Variants in KCNQ1 observed in about 807,000 individuals in gnomAD.
KCNQ1 encodes the protein potassium voltage-gated channel subfamily KQT member 1.
In KCNQ1, 49 loss-of-function variants were observed where a neutral mutation model predicts 72.4. The observed-to-expected ratio is 0.68, with a 90% CI of 0.54 to 0.86. KCNQ1 has a LOEUF of 0.86. Ranked by LOEUF, KCNQ1 falls within the 40% of genes least tolerant of loss-of-function variation. The probability of loss-of-function intolerance (pLI) is 0.00; values close to 1 mark genes in which losing one functional copy is unlikely to be tolerated. For synonymous variants in KCNQ1, 450 were observed against 412.6 expected (o/e 1.09, Z -1.10); for missense variants, 790 against 945.1 (o/e 0.84, Z 2.15).
Position 2,627,938 on chromosome 11 carries a change from G to T in KCNQ1, c.1394-34023G>T, listed in dbSNP as rs1168224945. 2.5e-6 allele frequency: 1 copy of T among 398,472 alleles called. No homozygotes were observed. The highest frequency in any genetic ancestry group is 4.4e-6 in the Non-Finnish European group (1 of 226,056). The allele number at this position is 398,472 out of a possible 1,614,324, so 24.7% of individuals were successfully genotyped here. The stretch of plus-strand genomic sequence containing the variant: ...GCTAATTTTTAAAATTTTATGTAGA[G>T]ATAGGGTATCACTATGTTTCCTAGG... On this transcript the variant is annotated intron_variant, in intron 10 of 15. Transcript: ENST00000155840. This position sits in a 1 kb window ranked among gnomAD's most constrained non-coding sequence, Gnocchi z 4.9.
At position 2,621,508 on chromosome 11, in the gene KCNQ1, T is replaced by G. The variant is rs1037533061; in HGVS notation, c.1393+32654T>G. 5 of 398,496 alleles carry G rather than the reference T, an allele frequency of 1.3e-5. No homozygotes were observed. Among genetic ancestry groups the G allele is most frequent in the African/African-American group, 4.1e-5 (2 of 48,648 alleles). The allele number at this position is 398,496 out of a possible 1,614,324, so 24.7% of individuals were successfully genotyped here. The stretch of plus-strand genomic sequence containing the variant: ...CCCATTCTATATGTTGTCTGTTTAC[T>G]CTGTTGATAATTTCTTTTGCTATGC... On this transcript the variant is annotated intron_variant, in intron 10 of 15. Transcript: ENST00000155840. This position sits in a 1 kb window ranked among gnomAD's most constrained non-coding sequence, Gnocchi z 5.7.
chr11:2,581,468 G>A (rs1412105065), intron 6 of KCNQ1, among the ~76,000 whole-genome samples: 1 of 152,218 alleles, frequency 6.6e-6, no homozygotes, highest in East Asian at 1.9e-4. Flanking sequence ...CTCTGGGGAG[G>A]ACACCCTGCA....
Position 2,620,211 on chromosome 11 carries a change from ATTT to A in KCNQ1, c.1393+31367_1393+31369del. On this transcript the variant is annotated intron_variant, in intron 10 of 15. Coordinates refer to ENST00000155840, the MANE Select transcript of KCNQ1 (RefSeq NM_000218.3). This position sits in a 1 kb window ranked among gnomAD's most constrained non-coding sequence, Gnocchi z 4.5. Reference sequence around the variant, plus strand: ...TAAGTTCATTCATGTATATATATATATTTTTTTTTTTTATTTTTTTTTTAGACG... The same window carrying A: ...TAAGTTCATTCATGTATATATATATATTTTTTTTTATTTTTTTTTTAGACG... 7.6e-6 allele frequency: 2 copies of A among 261,722 alleles called. No homozygotes were observed. Among genetic ancestry groups the A allele is most frequent in the Admixed American group, 6.1e-5 (1 of 16,396 alleles). The allele number at this position is 261,722 out of a possible 1,614,324, so 16.2% of individuals were successfully genotyped here.
At chr11:2,539,554 G>A (rs1199290782) in intron 2 of KCNQ1, among the ~76,000 whole-genome samples, 7 of 152,174 alleles carry the variant, frequency 4.6e-5, no homozygotes, top group Admixed American at 2.0e-4. Context: ...TGTGCTGGCC[G>A]AAGGGAACAC....
At position 2,508,094 on chromosome 11, in the gene KCNQ1, C is replaced by T. The variant is rs2133656732; in HGVS notation, c.387-19834C>T. Among the ~76,000 whole-genome samples, 1 of 152,254 alleles carries T rather than the reference C, an allele frequency of 6.6e-6. No homozygotes were observed. ...ACCCAGCTCGGCCCCACAGAGCTGGCCTGGGCCCCAGCAGGGGTCTGTGTT... is the reference window on the plus strand; with the variant it reads ...ACCCAGCTCGGCCCCACAGAGCTGGTCTGGGCCCCAGCAGGGGTCTGTGTT... On this transcript the variant is annotated intron_variant, in intron 1 of 15. Transcript: ENST00000155840. This position sits in a 1 kb window ranked among gnomAD's most constrained non-coding sequence, Gnocchi z 6.2.
Position 2,588,634 on chromosome 11 carries a change from G to A in KCNQ1, c.1252-79G>A. The A allele has an allele frequency of 6.3e-7, 1 of 1,579,902 alleles. No homozygotes were observed. The highest frequency in any genetic ancestry group is 8.6e-7 in the Non-Finnish European group (1 of 1,157,334). Reference sequence around the variant, plus strand: ...GGCGGGGGCTGGGCTCGGGGCGGCTGCACAGGCACTCTGGGGCCGGCGTAG... The same window carrying A: ...GGCGGGGGCTGGGCTCGGGGCGGCTACACAGGCACTCTGGGGCCGGCGTAG... On this transcript the variant is annotated intron_variant, in intron 9 of 15. Coordinates refer to ENST00000155840, the MANE Select transcript of KCNQ1 (RefSeq NM_000218.3). This position sits in a 1 kb window ranked among gnomAD's most constrained non-coding sequence, Gnocchi z 5.6.
At chr11:2,825,777 T>C (rs1403792865) in intron 15 of KCNQ1, among the ~76,000 whole-genome samples, 1 of 152,154 alleles carries the variant, frequency 6.6e-6, no homozygotes, top group East Asian at 1.9e-4. Context: ...CTCCGGGTAC[T>C]TTGCTCAGTA....
chr11:2,545,525 ATAGT>A (rs1847891618), intron 2 of KCNQ1, among the ~76,000 whole-genome samples: 2 of 152,190 alleles, frequency 1.3e-5, no homozygotes, highest in Admixed American at 6.5e-5. Context: ...GTAATTGATA[ATAGT>A]TATATTCAGG....
chr11:2,449,272 G>A (rs879665815), intron 1 of KCNQ1, among the ~76,000 whole-genome samples: 6 of 152,246 alleles, frequency 3.9e-5, no homozygotes, highest in Admixed American at 2.0e-4. Flanking sequence ...CATGGTGCCC[G>A]CAGCTTGAGC....
rs115778967 is a variant in KCNQ1 at position 2,451,271 on chromosome 11, C to T, written c.386+5787C>T. ...TCAGGTATTAGATTCTCATAAGAAG[C>T]GTGCAACCTAGATCCCTTGTGTGCG... On this transcript the variant is annotated intron_variant, in intron 1 of 15. Coordinates refer to ENST00000155840, the MANE Select transcript of KCNQ1 (RefSeq NM_000218.3). This position sits in a 1 kb window ranked among gnomAD's most constrained non-coding sequence, Gnocchi z 6.4. Among the ~76,000 whole-genome samples the T allele has an allele frequency of 6.9e-3, 1,056 of 152,268 alleles. 5 individuals are homozygous for T. Among genetic ancestry groups the T allele is most frequent in the African/African-American group, 0.022 (919 of 41,526 alleles).
intron 11 of KCNQ1, among the ~76,000 whole-genome samples, chr11:2,754,403 A>G (rs956669848): frequency 6.6e-6 from 1 of 152,242 alleles, no homozygotes; most frequent in Non-Finnish European, 1.5e-5. Flanking sequence ...TAAAATTTCT[A>G]TGGCTGAATA....
At chr11:2,842,048 C>A (rs2134087216) in intron 15 of KCNQ1, among the ~76,000 whole-genome samples, 1 of 152,252 alleles carries the variant, frequency 6.6e-6, no homozygotes, top group Non-Finnish European at 1.5e-5. Flanking sequence ...GGTGTGGGTC[C>A]CCAGCCGCGG....
chr11:2,522,396 G>C (rs979418517), intron 1 of KCNQ1, among the ~76,000 whole-genome samples: 1 of 152,146 alleles, frequency 6.6e-6, no homozygotes, highest in African/African-American at 2.4e-5. Flanking sequence ...CTGCAGAGTG[G>C]GGGGCTGTGA....
In KCNQ1 at chr11:2,447,774, C is replaced by T. The variant is rs1179228316; in HGVS notation, c.386+2290C>T. Among the ~76,000 whole-genome samples the T allele has an allele frequency of 2.0e-5, 3 of 152,196 alleles. No individual in the cohort carries two copies. The highest frequency in any genetic ancestry group is 2.1e-4 in the South Asian group (1 of 4,838). Reference sequence around the variant, plus strand: ...CTGGCCTGAAGACGACAAGCCTGGCCTTGAAGAGCCAGGGCCCAGGCATGT... The same window carrying T: ...CTGGCCTGAAGACGACAAGCCTGGCTTTGAAGAGCCAGGGCCCAGGCATGT... On this transcript the variant is annotated intron_variant, in intron 1 of 15. Transcript: ENST00000155840. This position sits in a 1 kb window ranked among gnomAD's most constrained non-coding sequence, Gnocchi z 7.6.
In KCNQ1 at chr11:2,712,394, C is replaced by T. The variant is rs998914656; in HGVS notation, c.1514+50313C>T. The stretch of plus-strand genomic sequence containing the variant: ...TGCAAATGGGGCAGGAACAGGAGTC[C>T]GGCCTGGGGGATGTTAGACTCACCA... On this transcript the variant is annotated intron_variant, in intron 11 of 15. Coordinates refer to ENST00000155840, the MANE Select transcript of KCNQ1 (RefSeq NM_000218.3). The surrounding 1 kb of genome is among the most constrained non-coding windows in gnomAD (Gnocchi z 6.4). 2.2e-4 allele frequency among the ~76,000 whole-genome samples: 33 copies of T among 152,062 alleles called. No homozygotes were observed. The highest frequency in any genetic ancestry group is 1.8e-3 in the Admixed American group (28 of 15,258).
rs1849868544 is a variant in KCNQ1 at position 2,657,376 on chromosome 11, T to C, written c.1394-4585T>C. ...TATTTCTCCATTTATATCTTCTTCA[T>C]TGTCTCTTACTAAAGTTTTACAATT... On this transcript the variant is annotated intron_variant, in intron 10 of 15. Transcript: ENST00000155840. This position sits in a 1 kb window ranked among gnomAD's most constrained non-coding sequence, Gnocchi z 4.8. 1 of 398,494 alleles carries C rather than the reference T, an allele frequency of 2.5e-6. No homozygotes were observed. Among genetic ancestry groups the C allele is most frequent in the South Asian group, 1.3e-4 (1 of 7,864 alleles). 24.7% of individuals were successfully genotyped at this position (398,494 alleles called of 1,614,324 possible).
chr11:2,769,687 G>A lies in KCNQ1; in HGVS notation c.1590+768G>A, dbSNP rs1380305715. Among the ~76,000 whole-genome samples the A allele has an allele frequency of 2.0e-5, 3 of 152,166 alleles. No individual in the cohort carries two copies. The highest frequency in any genetic ancestry group is 3.9e-4 in the East Asian group (2 of 5,190). On this transcript the variant is annotated intron_variant, in intron 12 of 15. Coordinates refer to ENST00000155840, the MANE Select transcript of KCNQ1 (RefSeq NM_000218.3). This position sits in a 1 kb window ranked among gnomAD's most constrained non-coding sequence, Gnocchi z 4.6. Reference sequence around the variant, plus strand: ...GTGGGAACCCCGTATCCTCTGTGGTGGGTGATCCAGAAGGCAAAAATCACA... The same window carrying A: ...GTGGGAACCCCGTATCCTCTGTGGTAGGTGATCCAGAAGGCAAAAATCACA...
At chr11:2,770,258 G>A (rs112779971) in intron 12 of KCNQ1, among the ~76,000 whole-genome samples, 17 of 152,174 alleles carry the variant, frequency 1.1e-4, no homozygotes, top group African/African-American at 1.4e-4. Context: ...TTCACAGGGC[G>A]GTCTGGGTGC....
rs1846313354 is a variant in KCNQ1, at chr11:2,463,844, A to G, written c.386+18360A>G. 1.3e-5 allele frequency among the ~76,000 whole-genome samples: 2 copies of G among 152,132 alleles called. No individual in the cohort carries two copies. The highest frequency in any genetic ancestry group is 1.3e-4 in the Admixed American group (2 of 15,272). ...CCGCTACCACGTGGAGGCTCCCTGT[A>G]GGTGCTTGTGTAGATGCCCCCGTGC... On this transcript the variant is annotated intron_variant, in intron 1 of 15. Coordinates refer to ENST00000155840, the MANE Select transcript of KCNQ1 (RefSeq NM_000218.3). This position sits in a 1 kb window ranked among gnomAD's most constrained non-coding sequence, Gnocchi z 7.0.
Sources: gnomAD v4.1 joint callset for allele counts (sites outside exome capture counted in the v4.1 genomes callset) on GRCh38, gnomAD v4.1.1 for gene constraint, Gnocchi (gnomAD v3.1) non-coding constraint, MANE v1.5 for transcripts, NCBI Gene and HGNC (gene_info 2026-07-23, HGNC 2026-07-21) for gene names.